RAB22A: variants seen among roughly 807,000 people sequenced by gnomAD.
The protein encoded by RAB22A is ras-related protein Rab-22A.
A neutral mutation model predicts 30.2 loss-of-function variants in RAB22A; 13 were observed. That is an observed-to-expected ratio of 0.43 (90% CI 0.28 to 0.68). The LOEUF (loss-of-function observed/expected upper bound fraction) is 0.68, where lower values mean the gene tolerates loss of function less well. RAB22A is among the 30% of genes least tolerant of loss of function. RAB22A has a pLI of 0.18. For synonymous variants in RAB22A, 89 were observed against 87.2 expected (o/e 1.02, Z -0.11); for missense variants, 177 against 246.8 (o/e 0.72, Z 1.89).
At chr20:58,318,047 T>C (rs1224264844) in intron 2 of RAB22A, among the ~76,000 whole-genome samples, 2 of 151,626 alleles carry the variant, frequency 1.3e-5, no homozygotes, top group Non-Finnish European at 2.9e-5. Context: ...TTTTTATTTC[T>C]TGTAGAGATG....
intron 2 of RAB22A, among the ~76,000 whole-genome samples, chr20:58,333,740 A>G (rs904625725): frequency 8.5e-5 from 13 of 152,218 alleles, no homozygotes; most frequent in African/African-American, 1.4e-4. Context: ...AGAGAGGTAT[A>G]GCTGAAAATC....
chr20:58,340,184 C>T (rs1310331700), intron 2 of RAB22A, among the ~76,000 whole-genome samples: 1 of 152,158 alleles, frequency 6.6e-6, no homozygotes, highest in Non-Finnish European at 1.5e-5. Context: ...GAGACACCCC[C>T]TCCTTCCAAA....
chr20:58,350,371 CAG>C (rs1008126360), intron 3 of RAB22A, among the ~76,000 whole-genome samples: 1 of 151,946 alleles, frequency 6.6e-6, no homozygotes, highest in Non-Finnish European at 1.5e-5. Flanking sequence ...GAGATGGAAA[CAG>C]AAAAAAAGAT....
intron 2 of RAB22A, among the ~76,000 whole-genome samples, chr20:58,314,232 T>C (rs964198814): frequency 6.6e-5 from 10 of 152,124 alleles, no homozygotes; most frequent in African/African-American, 2.4e-4. Context: ...GCCAAGCTAA[T>C]TTTTGTATTT....
chr20:58,330,376 T>A (rs1183583423), intron 2 of RAB22A, among the ~76,000 whole-genome samples: 1 of 152,234 alleles, frequency 6.6e-6, no homozygotes, highest in African/African-American at 2.4e-5. Flanking sequence ...ATTATATTTA[T>A]AGTAGCTGTT....
rs1341404209 is a variant in RAB22A at position 58,366,185 on chromosome 20, C to G, written c.*6482C>G. The G allele has an allele frequency of 6.6e-6, 1 of 152,154 alleles. No homozygotes were observed. The highest frequency in any genetic ancestry group is 2.4e-5 in the African/African-American group (1 of 41,422). 9.4% of individuals were successfully genotyped at this position (152,154 alleles called of 1,614,324 possible). On this transcript the variant is annotated 3_prime_UTR_variant, in exon 7 of 7. Coordinates refer to ENST00000244040, the MANE Select transcript of RAB22A (RefSeq NM_020673.3). ...TTAGGCTCATTTTTCTGTGGGCTCT[C>G]CCTTAAAGACACATGGCCACAGACA...
At position 58,359,727 on chromosome 20, in the gene RAB22A, G is replaced by T; in HGVS notation, c.*24G>T. ...GACCGAACCTCAGCCTCTCAGACTT[G>T]ATGATGAAGTAGGTGGTCCTGAAAG... On this transcript the variant is annotated 3_prime_UTR_variant, in exon 7 of 7. Transcript: ENST00000244040. 1.3e-6 allele frequency: 2 copies of T among 1,568,962 alleles called. No homozygotes were observed. Among genetic ancestry groups the T allele is most frequent in the South Asian group, 1.1e-5 (1 of 89,754 alleles).
intron 3 of RAB22A, among the ~76,000 whole-genome samples, chr20:58,350,609 C>T (rs751279689): frequency 1.3e-5 from 2 of 152,110 alleles, no homozygotes; most frequent in Admixed American, 6.5e-5. Context: ...ACATAAACGC[C>T]GGAGACCAGA....
intron 2 of RAB22A, among the ~76,000 whole-genome samples, chr20:58,328,939 CT>C (rs1260214551): frequency 9.9e-5 from 15 of 152,188 alleles, no homozygotes; most frequent in Non-Finnish European, 1.5e-5. Context: ...GAGTTTTCAT[CT>C]GATGACATTT....
chr20:58,340,399 A>G (rs1568870286), intron 2 of RAB22A, among the ~76,000 whole-genome samples: 1 of 152,188 alleles, frequency 6.6e-6, no homozygotes, highest in African/African-American at 2.4e-5. Flanking sequence ...TAAAGGCCAC[A>G]CACCTTGCTA....
chr20:58,315,166 C>T (rs186536683), intron 2 of RAB22A, among the ~76,000 whole-genome samples: 4 of 152,252 alleles, frequency 2.6e-5, no homozygotes, highest in Admixed American at 2.6e-4. Context: ...TTCTCTAGTT[C>T]CCTTCCTGCT....
At chr20:58,315,284 G>A (rs556933) in intron 2 of RAB22A, among the ~76,000 whole-genome samples, 67 of 151,986 alleles carry the variant, frequency 4.4e-4, no homozygotes, top group Non-Finnish European at 7.7e-4. Flanking sequence ...CACCTCCCTC[G>A]GACACCTCAC....
chr20:58,321,201 A>G (rs1462372907), intron 2 of RAB22A, among the ~76,000 whole-genome samples: 1 of 151,738 alleles, frequency 6.6e-6, no homozygotes, highest in Admixed American at 6.6e-5. Context: ...AAAAAAAAAA[A>G]AAAAATACAA....
Position 58,362,608 on chromosome 20 carries a change from C to G in RAB22A, c.*2905C>G, listed in dbSNP as rs1308856357. The stretch of plus-strand genomic sequence containing the variant: ...AAACCAATGGTCTCCAGAACTCTCA[C>G]ACAAGTGTTTTTCTGATTCTATGAT... On this transcript the variant is annotated 3_prime_UTR_variant, in exon 7 of 7. Coordinates refer to ENST00000244040, the MANE Select transcript of RAB22A (RefSeq NM_020673.3). 6.6e-6 allele frequency: 1 copy of G among 152,214 alleles called. No individual in the cohort carries two copies. The highest frequency in any genetic ancestry group is 1.5e-5 in the Non-Finnish European group (1 of 68,032). 9.4% of individuals were successfully genotyped at this position (152,214 alleles called of 1,614,324 possible).
rs1053398839 is a variant in RAB22A, at chr20:58,315,441, G to A, written c.116+4319G>A. Reference sequence around the variant, plus strand: ...TCTTCCCTAAGGGCTCGCCTGTGTCGTATCATGGGGAAGAGCATGGGCCTT... The same window carrying A: ...TCTTCCCTAAGGGCTCGCCTGTGTCATATCATGGGGAAGAGCATGGGCCTT... On this transcript the variant is annotated intron_variant, in intron 2 of 6. Coordinates refer to ENST00000244040, the MANE Select transcript of RAB22A (RefSeq NM_020673.3). Among the ~76,000 whole-genome samples the A allele has an allele frequency of 3.3e-5, 5 of 152,114 alleles. 1 individual carries two copies. The highest frequency in any genetic ancestry group is 7.2e-5 in the African/African-American group (3 of 41,424).
chr20:58,325,759 C>T (rs374837627), intron 2 of RAB22A, among the ~76,000 whole-genome samples: 2 of 152,094 alleles, frequency 1.3e-5, no homozygotes, highest in Non-Finnish European at 2.9e-5. Context: ...TGTGGATCAG[C>T]GTATAGTCCA....
Position 58,353,554 on chromosome 20 carries a change from G to A in RAB22A, c.377+16G>A, listed in dbSNP as rs756609031. ...TCGATGTAAGGTAAGTTATTAGAAC[G>A]AGAGATTACAATACCTATTATGTGT... On this transcript the variant is annotated intron_variant, in intron 5 of 6. Coordinates refer to ENST00000244040, the MANE Select transcript of RAB22A (RefSeq NM_020673.3). 7.8e-5 allele frequency: 120 copies of A among 1,536,342 alleles called. No homozygotes were observed. Among genetic ancestry groups the A allele is most frequent in the Admixed American group, 2.7e-4 (16 of 59,760 alleles).
In RAB22A at chr20:58,359,690, G is replaced by A. The variant is rs763535121; in HGVS notation, c.572G>A (p.Arg191Gln). 9.3e-6 allele frequency: 15 copies of A among 1,610,048 alleles called. No individual in the cohort carries two copies. The highest frequency in any genetic ancestry group is 5.0e-5 in the Admixed American group (3 of 59,928). ...CGAAGACAGCCTTCAGAGCCAAAGC[G>A]GAGCTGCTGCTGACCGAACCTCAGC... is the stretch of plus-strand genomic sequence containing the variant. ...KLRRQPSEPKRSCC is the reference protein window; with the variant it reads ...KLRRQPSEPKQSCC Residue 191 changes from arginine to glutamine, a missense_variant, in exon 7 of 7, where the codon CGG (arginine) becomes CAG (glutamine). Transcript: ENST00000244040.
intron 2 of RAB22A, among the ~76,000 whole-genome samples, chr20:58,330,731 T>C (rs990086025): frequency 6.6e-6 from 1 of 152,216 alleles, no homozygotes; most frequent in Non-Finnish European, 1.5e-5. Flanking sequence ...ATGGCCTACC[T>C]CATTATCATT....
Sources: allele counts gnomAD v4.1 joint callset (sites outside exome capture counted in the v4.1 genomes callset), GRCh38; gene constraint gnomAD v4.1.1; transcripts MANE v1.5; gene names NCBI Gene and HGNC (gene_info 2026-07-23, HGNC 2026-07-21).